THAP4: variants seen among roughly 807,000 people sequenced by gnomAD.
THAP4 encodes the protein peroxynitrite isomerase THAP4.
A neutral mutation model predicts 48.1 loss-of-function variants in THAP4; 18 were observed. The ratio of observed to expected loss-of-function variants is 0.37; its 90% CI spans 0.26 to 0.56. The LOEUF (loss-of-function observed/expected upper bound fraction) is 0.56, where lower values mean the gene tolerates loss of function less well. Among genes scored for constraint, THAP4 ranks in the 20% least tolerant of loss-of-function variants. The pLI, the probability that THAP4 is intolerant of heterozygous loss-of-function variation, is 0.78. For synonymous variants in THAP4, 345 were observed against 324.9 expected (o/e 1.06, Z -0.66); for missense variants, 656 against 774.9 (o/e 0.85, Z 1.82).
chr2:241,614,463 G>A (rs766964017), intron 2 of THAP4, among the ~76,000 whole-genome samples: 10 of 152,174 alleles, frequency 6.6e-5, no homozygotes, highest in Admixed American at 5.2e-4. Flanking sequence ...CGAAGATGTC[G>A]AGAGAAAGAA....
At chr2:241,629,353 C>T (rs924629154) in intron 2 of THAP4, among the ~76,000 whole-genome samples, 1 of 151,852 alleles carries the variant, frequency 6.6e-6, no homozygotes, top group Non-Finnish European at 1.5e-5. Context: ...TGCCTGTAGT[C>T]CCAGCTACTC....
rs537130808 is a variant in THAP4 at position 241,602,799 on chromosome 2, C to T, written c.1510+171G>A. On this transcript the variant is annotated intron_variant, in intron 4 of 5. Transcript: ENST00000407315. ...TGTGCCGGAGGCCCCTACAGCTACA[C>T]AGTCGGCCCCGCAGGCTCCCAGGAC... is the stretch of plus-strand genomic sequence containing the variant. Among the ~76,000 whole-genome samples, 3 of 152,360 alleles carry T rather than the reference C, an allele frequency of 2.0e-5. 1 individual carries two copies. Among genetic ancestry groups the T allele is most frequent in the East Asian group, 3.9e-4 (2 of 5,190 alleles).
At chr2:241,606,556 C>T (rs1169219249) in intron 2 of THAP4, 83 bp from the exon 3 acceptor site, 5 of 1,325,960 alleles carry the variant, frequency 3.8e-6, no homozygotes, top group Admixed American at 5.2e-5. Flanking sequence ...CGTTCCATAT[C>T]GACGCTTGCT....
chr2:241,613,611 T>G (rs1559227674), intron 2 of THAP4, among the ~76,000 whole-genome samples: 1 of 151,604 alleles, frequency 6.6e-6, no homozygotes, highest in Non-Finnish European at 1.5e-5. Context: ...AAAAATTGGC[T>G]GGGCGTGGTG....
chr2:241,625,751 T>G (rs1022893604), intron 2 of THAP4, among the ~76,000 whole-genome samples: 7 of 122,120 alleles, frequency 5.7e-5, no homozygotes, highest in Non-Finnish European at 7.8e-5. Context: ...TGAGCTGAGA[T>G]CGTGCCACTG....
At chr2:241,634,282 C>G (rs1038237097) in intron 1 of THAP4, among the ~76,000 whole-genome samples, 9 of 152,246 alleles carry the variant, frequency 5.9e-5, no homozygotes, top group African/African-American at 1.7e-4. Flanking sequence ...GACCCGTTGT[C>G]TACCCATACA....
chr2:241,629,749 T>C (rs1030054590), intron 2 of THAP4, among the ~76,000 whole-genome samples: 2 of 151,818 alleles, frequency 1.3e-5, no homozygotes, highest in Admixed American at 6.6e-5. Flanking sequence ...GGAAAACTTA[T>C]GCATCAAACA....
intron 2 of THAP4, among the ~76,000 whole-genome samples, chr2:241,619,853 GGTGAGTGAGGA>G (rs1443341759): frequency 1.0e-5 from 1 of 99,882 alleles, no homozygotes; most frequent in Non-Finnish European, 2.1e-5. Flanking sequence ...GTGAGTGAGG[GGTGAGTGAGGA>G]GTCGGTGAGT....
At chr2:241,628,737 A>C (rs1392872981) in intron 2 of THAP4, among the ~76,000 whole-genome samples, 1 of 134,610 alleles carries the variant, frequency 7.4e-6, no homozygotes, top group African/African-American at 2.7e-5. Context: ...CCATCTCTAC[A>C]AAAAAAAAAA....
chr2:241,597,761 TGTGCTTCCAGCTTCTGTCCATTAAG>T (rs2067066902), intron 5 of THAP4, among the ~76,000 whole-genome samples: 1 of 152,188 alleles, frequency 6.6e-6, no homozygotes, highest in Non-Finnish European at 1.5e-5. Flanking sequence ...CCCCTCAGGT[TGTGCTTCCAGCTTCTGTCCATTAAG>T]TCGCTCGGTA....
intron 2 of THAP4, among the ~76,000 whole-genome samples, chr2:241,629,864 C>A (rs527578998): frequency 9.9e-5 from 15 of 151,722 alleles, no homozygotes; most frequent in Non-Finnish European, 1.8e-4. Context: ...ATCAGCAGAC[C>A]GAGAGCCTGA....
intron 5 of THAP4, among the ~76,000 whole-genome samples, chr2:241,596,051 G>A (rs1052911861): frequency 8.5e-5 from 13 of 152,196 alleles, no homozygotes; most frequent in African/African-American, 2.9e-4. Context: ...TGTGCTGACC[G>A]TGCTCCATGT....
At position 241,637,020 on chromosome 2, in the gene THAP4, CG is replaced by C; in HGVS notation, c.-4del. 2 of 1,272,806 alleles carry C rather than the reference CG, an allele frequency of 1.6e-6. No homozygotes were observed. The highest frequency in any genetic ancestry group is 1.0e-6 in the Non-Finnish European group (1 of 984,788). The allele number at this position is 1,272,806 out of a possible 1,614,324, so 78.8% of individuals were successfully genotyped here. ...ACGGCCGCACAGCAGATCACCATCGCGGGCCTTGGCCCAGCCGCGCAGCCAG... is the reference window on the plus strand; with the variant it reads ...ACGGCCGCACAGCAGATCACCATCGCGGCCTTGGCCCAGCCGCGCAGCCAG... On this transcript the variant is annotated 5_prime_UTR_variant, in exon 1 of 6. Transcript: ENST00000407315.
rs778022736 is a variant in THAP4 at position 241,633,562 on chromosome 2, C to T, written c.595G>A (p.Asp199Asn). The change falls in exon 2 of 6, where the codon GAT becomes AAT. Residue 199 changes from aspartate (D) to asparagine (N), a missense_variant. Coordinates refer to ENST00000407315, the MANE Select transcript of THAP4 (RefSeq NM_015963.6). The surrounding 1 kb of genome is among the most constrained non-coding windows in gnomAD (Gnocchi z 7.5). Reference protein sequence around the residue: ...KAEASATDAGDESATSSIEGG... With the variant: ...KAEASATDAGNESATSSIEGG... The stretch of plus-strand genomic sequence containing the variant: ...TCGATGGAGGAAGTGGCGCTCTCAT[C>T]GCCAGCATCTGTGGCAGACGCTTCT... The T allele has an allele frequency of 1.1e-5, 17 of 1,613,854 alleles. No homozygotes were observed. The highest frequency in any genetic ancestry group is 5.5e-5 in the South Asian group (5 of 91,072).
chr2:241,590,500 A>C (rs75474104), intron 5 of THAP4, among the ~76,000 whole-genome samples: 89 of 40,132 alleles, frequency 2.2e-3, no homozygotes, highest in Admixed American at 3.4e-3. Context: ...GGCTGATGAT[A>C]ATGGGCACTA....
At chr2:241,603,651 AGCACTCCCTT>A (rs2067145743) in intron 3 of THAP4, among the ~76,000 whole-genome samples, 1 of 152,210 alleles carries the variant, frequency 6.6e-6, no homozygotes, top group East Asian at 1.9e-4. Context: ...GTCAGCCCTC[AGCACTCCCTT>A]GCAGTAAACC....
intron 5 of THAP4, among the ~76,000 whole-genome samples, chr2:241,586,466 C>T (rs1399622641): frequency 1.3e-5 from 2 of 151,846 alleles, no homozygotes; most frequent in Non-Finnish European, 2.9e-5. Flanking sequence ...CAAAGGAAGC[C>T]TCAAGTCATC....
In THAP4 at chr2:241,610,396, G is replaced by A. The variant is rs1298935474; in HGVS notation, c.1241-3923C>T. Among the ~76,000 whole-genome samples, 3 of 152,182 alleles carry A rather than the reference G, an allele frequency of 2.0e-5. No homozygotes were observed. The highest frequency in any genetic ancestry group is 2.9e-5 in the Non-Finnish European group (2 of 68,014). ...GGGTCACGCCACCGCGCCCTGTTTG[G>A]GGAGCGGCAGAGGAGTCAGGGCGGA... On this transcript the variant is annotated intron_variant, in intron 2 of 5. Transcript: ENST00000407315. The surrounding 1 kb of genome is among the most constrained non-coding windows in gnomAD (Gnocchi z 4.2).
intron 5 of THAP4, among the ~76,000 whole-genome samples, chr2:241,596,857 G>A (rs2067055258): frequency 6.7e-6 from 1 of 150,066 alleles, no homozygotes; most frequent in African/African-American, 2.5e-5. Context: ...GGCACCATGA[G>A]TGGAGCTGGC....
Sources: allele counts gnomAD v4.1 joint callset (sites outside exome capture counted in the v4.1 genomes callset), GRCh38; gene constraint gnomAD v4.1.1; non-coding constraint Gnocchi (gnomAD v3.1); transcripts MANE v1.5; gene names NCBI Gene and HGNC (gene_info 2026-07-23, HGNC 2026-07-21).